Variants in GPHN observed in about 807,000 individuals in gnomAD.
GPHN encodes the protein gephyrin.
Under a neutral mutation model 95.5 loss-of-function variants are expected in GPHN, and 17 were observed. The observed-to-expected ratio is 0.18, with a 90% CI of 0.12 to 0.27. The LOEUF (loss-of-function observed/expected upper bound fraction) is 0.27, where lower values mean the gene tolerates loss of function less well. Among genes scored for constraint, GPHN ranks in the 10% least tolerant of loss-of-function variants. The pLI, the probability that GPHN is intolerant of heterozygous loss-of-function variation, is 1.00. For missense variants in GPHN, 660 were observed against 978.1 expected (o/e 0.67, Z 4.34); for synonymous variants, 320 against 322.5 (o/e 0.99, Z 0.08).
chr14:67,537,974 G>A, the GPHN span, among the ~76,000 whole-genome samples: 1 of 152,222 alleles, frequency 6.6e-6, no homozygotes, highest in African/African-American at 2.4e-5. Flanking sequence ...CAGGCTGGGT[G>A]CCAGCAGAAT....
chr14:67,284,718 A>C, the GPHN span, among the ~76,000 whole-genome samples: 1 of 151,786 alleles, frequency 6.6e-6, no homozygotes, highest in Non-Finnish European at 1.5e-5. Context: ...TATTCTAGAC[A>C]TTTTATATGA....
chr14:66,893,621 C>T (rs1262777031), intron 5 of GPHN, among the ~76,000 whole-genome samples: 1 of 152,180 alleles, frequency 6.6e-6, no homozygotes, highest in Non-Finnish European at 1.5e-5. Context: ...ACCCCATCGT[C>T]TCAGCCTAAA....
chr14:66,762,766 G>A (rs1190985494), intron 2 of GPHN, among the ~76,000 whole-genome samples: 1 of 152,042 alleles, frequency 6.6e-6, no homozygotes, highest in African/African-American at 2.4e-5. Flanking sequence ...TGGAAGCAAA[G>A]ACTCTTCTCA....
chr14:66,923,795 G>T (rs2066339815), intron 7 of GPHN, among the ~76,000 whole-genome samples: 1 of 148,636 alleles, frequency 6.7e-6, no homozygotes, highest in African/African-American at 2.5e-5. Flanking sequence ...GCATTGTGAG[G>T]TTTTTTTTTT....
At chr14:67,144,433 G>A (rs2080777823) in intron 18 of GPHN, among the ~76,000 whole-genome samples, 1 of 150,170 alleles carries the variant, frequency 6.7e-6, no homozygotes, top group African/African-American at 2.5e-5. Flanking sequence ...ATGACTATTG[G>A]GTCTACTGAA....
chr14:67,400,394 C>T, the GPHN span, among the ~76,000 whole-genome samples: 3 of 152,208 alleles, frequency 2.0e-5, no homozygotes, highest in Non-Finnish European at 4.4e-5. Context: ...GAGAGTTTTA[C>T]CTGACACAAG....
chr14:67,145,693 T>G (rs2080859024), intron 18 of GPHN, among the ~76,000 whole-genome samples: 1 of 151,946 alleles, frequency 6.6e-6, no homozygotes, highest in Admixed American at 6.6e-5. Flanking sequence ...ACCTCCATAG[T>G]AGAAAGAAAA....
At chr14:67,226,580 C>G in the GPHN span, among the ~76,000 whole-genome samples, 42 of 152,286 alleles carry the variant, frequency 2.8e-4, no homozygotes, top group Non-Finnish European at 5.3e-4. Flanking sequence ...AGGCTGGTCT[C>G]AAACTCCTGA....
chr14:67,362,299 T>C, the GPHN span, among the ~76,000 whole-genome samples: 2 of 152,022 alleles, frequency 1.3e-5, no homozygotes, highest in Non-Finnish European at 2.9e-5. Flanking sequence ...GGATTACAGG[T>C]GTGAGCCACT....
At position 67,181,041 on chromosome 14, in the gene GPHN, A is replaced by T. The variant is rs1595522134; in HGVS notation, c.*104A>T. 1 of 1,042,818 alleles carries T rather than the reference A, an allele frequency of 9.6e-7. No individual in the cohort carries two copies. Among genetic ancestry groups the T allele is most frequent in the East Asian group, 2.5e-5 (1 of 40,756 alleles). The allele number at this position is 1,042,818 out of a possible 1,614,324, so 64.6% of individuals were successfully genotyped here. On this transcript the variant is annotated 3_prime_UTR_variant, in exon 23 of 23. Transcript: ENST00000478722. ...GTTTTCCCGATTTGGATAAAAGTTGATCTGTATAGTCAACATCTTGAACTA... is the reference window on the plus strand; with the variant it reads ...GTTTTCCCGATTTGGATAAAAGTTGTTCTGTATAGTCAACATCTTGAACTA...
At chr14:67,733,711 A>G in the GPHN span, 1 of 1,420,304 alleles carries the variant, frequency 7.0e-7, no homozygotes. Flanking sequence ...GCTAATTCTC[A>G]TTCCTGGAAT....
the GPHN span, among the ~76,000 whole-genome samples, chr14:67,420,263 G>A: frequency 6.6e-6 from 1 of 152,200 alleles, no homozygotes; most frequent in Non-Finnish European, 1.5e-5. Context: ...CATTGAAGAG[G>A]CCCCCTGTCT....
the GPHN span, among the ~76,000 whole-genome samples, chr14:67,708,592 T>C: frequency 6.6e-6 from 1 of 152,178 alleles, no homozygotes; most frequent in African/African-American, 2.4e-5. Flanking sequence ...ATTATAATTA[T>C]TACTGATAAT....
chr14:67,361,349 A>G, the GPHN span, among the ~76,000 whole-genome samples: 3 of 152,204 alleles, frequency 2.0e-5, no homozygotes, highest in Non-Finnish European at 4.4e-5. Context: ...TTTGCTACCT[A>G]TTCTTAGTTC....
chr14:66,979,204 C>T (rs2070479507), intron 9 of GPHN, among the ~76,000 whole-genome samples: 4 of 152,152 alleles, frequency 2.6e-5, no homozygotes, highest in Non-Finnish European at 5.9e-5. Flanking sequence ...TGCATTATTC[C>T]CTACCAAGAT....
intron 3 of GPHN, among the ~76,000 whole-genome samples, chr14:66,780,863 G>A (rs1658738929): frequency 1.3e-5 from 2 of 152,084 alleles, no homozygotes; most frequent in African/African-American, 4.8e-5. Context: ...ATTTCAGTTG[G>A]GTAATATCTG....
intron 2 of GPHN, among the ~76,000 whole-genome samples, chr14:66,714,302 G>A (rs1459103783): frequency 6.6e-6 from 1 of 152,054 alleles, no homozygotes. Flanking sequence ...CTGTTTGGTT[G>A]CTGTTTGTGT....
chr14:66,548,774 A>G (rs2059703950), intron 1 of GPHN, among the ~76,000 whole-genome samples: 1 of 152,248 alleles, frequency 6.6e-6, no homozygotes, highest in Non-Finnish European at 1.5e-5. Flanking sequence ...AGGAAGGAAT[A>G]CTAAAAACTG....
At chr14:66,830,368 A>G (rs1282654506) in intron 4 of GPHN, among the ~76,000 whole-genome samples, 1 of 152,140 alleles carries the variant, frequency 6.6e-6, no homozygotes, top group Non-Finnish European at 1.5e-5. Flanking sequence ...AAAATAAAAT[A>G]TCCCTTATTC....
Sources: allele counts gnomAD v4.1 joint callset (sites outside exome capture counted in the v4.1 genomes callset), GRCh38; gene constraint gnomAD v4.1.1; transcripts MANE v1.5; gene names NCBI Gene and HGNC (gene_info 2026-07-23, HGNC 2026-07-21).